RDX: variants seen among roughly 807,000 people sequenced by gnomAD.
The protein encoded by RDX is deafness, autosomal recessive 24.
In RDX, 32 loss-of-function variants were observed where a neutral mutation model predicts 83.7. That is an observed-to-expected ratio of 0.38 (90% CI 0.29 to 0.51). RDX has a LOEUF of 0.51. RDX is among the 20% of genes least tolerant of loss of function. The pLI is 0.87. For synonymous variants in RDX, 229 were observed against 222.7 expected (o/e 1.03, Z -0.25); for missense variants, 600 against 689.9 (o/e 0.87, Z 1.46).
At chr11:110,273,899 C>T (rs1297553127) in intron 2 of RDX, among the ~76,000 whole-genome samples, 6 of 152,200 alleles carry the variant, frequency 3.9e-5, no homozygotes, top group Non-Finnish European at 5.9e-5. Context: ...TATATTAATA[C>T]GTATTACTGC....
chr11:110,275,846 G>A (rs560566617), intron 2 of RDX, among the ~76,000 whole-genome samples: 2 of 142,984 alleles, frequency 1.4e-5, no homozygotes, highest in South Asian at 4.4e-4. Flanking sequence ...GTGCAGTGAC[G>A]TGATCTCAGC....
At chr11:110,287,566 G>GCA (rs1263186639) in intron 1 of RDX, among the ~76,000 whole-genome samples, 1 of 152,234 alleles carries the variant, frequency 6.6e-6, no homozygotes, top group East Asian at 1.9e-4. Flanking sequence ...CAATAATAAT[G>GCA]CACTTTTACC....
intron 1 of RDX, among the ~76,000 whole-genome samples, chr11:110,292,233 T>C (rs1861273207): frequency 2.0e-5 from 3 of 150,798 alleles, no homozygotes; most frequent in Non-Finnish European, 4.4e-5. Context: ...GCAGAGGCTG[T>C]AGTGAGCTGA....
Position 110,205,004 on chromosome 11 carries a change from T to C in RDX, c.1749-5326A>G, listed in dbSNP as rs117714747. Among the ~76,000 whole-genome samples, 540 of 152,210 alleles carry C rather than the reference T, an allele frequency of 3.5e-3. 3 individuals carry two copies. Among genetic ancestry groups the C allele is most frequent in the Non-Finnish European group, 5.3e-3 (362 of 68,018 alleles). On this transcript the variant is annotated intron_variant, in intron 14 of 15. Transcript: ENST00000528498. Reference sequence around the variant, plus strand: ...AAGCTCAACCAGATATCAAGACTTGTTAAAAAGCAAAGGCTGTAGTAATTA... The same window carrying C: ...AAGCTCAACCAGATATCAAGACTTGCTAAAAAGCAAAGGCTGTAGTAATTA...
At chr11:110,193,928 C>T (rs553226012) in intron 15 of RDX, among the ~76,000 whole-genome samples, 1 of 152,328 alleles carries the variant, frequency 6.6e-6, no homozygotes, top group Non-Finnish European at 1.5e-5. Context: ...TTGTCCCATA[C>T]ATTTTATAAT....
At chr11:110,220,879 A>G (rs970485468) in intron 14 of RDX, among the ~76,000 whole-genome samples, 1 of 36,400 alleles carries the variant, frequency 2.7e-5, no homozygotes, top group Non-Finnish European at 4.6e-5. Context: ...CAGCCTCTGT[A>G]AAAAAAAAAA....
At chr11:110,289,973 A>AAAAAAAAAAAAAAC (rs1565338372) in intron 1 of RDX, among the ~76,000 whole-genome samples, 2 of 148,204 alleles carry the variant, frequency 1.3e-5, no homozygotes, top group African/African-American at 4.9e-5. Context: ...AAAAAAAAAA[A>AAAAAAAAAAAAAAC]AAAAAAAAAC....
intron 15 of RDX, among the ~76,000 whole-genome samples, chr11:110,195,350 A>G (rs913320628): frequency 1.3e-5 from 2 of 152,118 alleles, no homozygotes; most frequent in African/African-American, 2.4e-5. Context: ...AAACACCTCA[A>G]AGTGCCAGGA....
At chr11:110,260,080 G>A (rs572152707) in intron 5 of RDX, among the ~76,000 whole-genome samples, 2 of 151,630 alleles carry the variant, frequency 1.3e-5, no homozygotes, top group South Asian at 2.1e-4. Context: ...TCCACCTCCC[G>A]GGTTCAAGCG....
At chr11:110,210,636 A>G (rs1344727544) in intron 14 of RDX, among the ~76,000 whole-genome samples, 1 of 151,354 alleles carries the variant, frequency 6.6e-6, no homozygotes, top group East Asian at 2.0e-4. Flanking sequence ...CTAACAGCGG[A>G]TCTCTCGGCA....
intron 14 of RDX, among the ~76,000 whole-genome samples, chr11:110,209,758 C>A (rs1306131739): frequency 6.9e-6 from 1 of 145,296 alleles, no homozygotes; most frequent in Non-Finnish European, 1.5e-5. Context: ...GGTACTCCAA[C>A]AGACCTGCAG....
chr11:110,215,882 T>C (rs948120643), intron 14 of RDX, among the ~76,000 whole-genome samples: 1 of 152,222 alleles, frequency 6.6e-6, no homozygotes, highest in African/African-American at 2.4e-5. Flanking sequence ...GCAGCCTTTA[T>C]GATGTCTTTG....
chr11:110,199,979 T>C (rs2134236896), intron 14 of RDX, among the ~76,000 whole-genome samples: 1 of 152,344 alleles, frequency 6.6e-6, no homozygotes, highest in Non-Finnish European at 1.5e-5. Context: ...AACTAGTCTC[T>C]TTCAATAATA....
intron 14 of RDX, among the ~76,000 whole-genome samples, chr11:110,210,440 C>T (rs1161658926): frequency 7.1e-6 from 1 of 141,282 alleles, no homozygotes; most frequent in East Asian, 2.1e-4. Flanking sequence ...GGAGAACTTC[C>T]CCAATCTAGC....
chr11:110,257,666 G>T, intron 7 of RDX, 101 bp downstream of exon 7: 1 of 1,176,076 alleles, frequency 8.5e-7, no homozygotes. Flanking sequence ...AAATAGTAAG[G>T]GTAATCAAGA....
chr11:110,214,773 T>G, intron 14 of RDX, among the ~76,000 whole-genome samples: 1 of 94,682 alleles, frequency 1.1e-5, no homozygotes, highest in South Asian at 4.1e-4. Flanking sequence ...TTCTCACTCA[T>G]AGGTGGGAAT....
rs1861397901 is a variant in RDX at position 110,295,242 on chromosome 11, G to A, written c.-65+1225C>T. 2.0e-5 allele frequency among the ~76,000 whole-genome samples: 3 copies of A among 147,168 alleles called. 1 individual carries two copies. The South Asian group carries it at 6.3e-4, about 31-fold the overall frequency. On this transcript the variant is annotated intron_variant, in intron 1 of 13. Transcript: ENST00000645495. ...AATGGATCAAGCCATTATTTATCCA[G>A]CAACATGAACGGGGTAATTGTTCCT...
At chr11:110,202,684 A>G (rs1432680995) in intron 14 of RDX, among the ~76,000 whole-genome samples, 1 of 150,846 alleles carries the variant, frequency 6.6e-6, no homozygotes, top group Admixed American at 6.6e-5. Context: ...GGCTCAAGCA[A>G]TCCTCCTGGG....
chr11:110,216,465 T>C lies in RDX; in HGVS notation c.1748+15408A>G, dbSNP rs1279283276. Among the ~76,000 whole-genome samples the C allele has an allele frequency of 2.6e-5, 4 of 151,622 alleles. No homozygotes were observed. In the East Asian group the frequency reaches 7.7e-4, roughly 29 times the overall value. On this transcript the variant is annotated intron_variant, in intron 14 of 15. Coordinates refer to the RDX transcript ENST00000528498. ...ACAGCTTACTGCAGCCTCAACCTCCTGGGCTCAAGTGATCCTCCCACCTCA... is the reference window on the plus strand; with the variant it reads ...ACAGCTTACTGCAGCCTCAACCTCCCGGGCTCAAGTGATCCTCCCACCTCA...
Sources: gnomAD v4.1 joint callset for allele counts (sites outside exome capture counted in the v4.1 genomes callset) on GRCh38, gnomAD v4.1.1 for gene constraint, MANE v1.5 for transcripts, NCBI Gene and HGNC (gene_info 2026-07-23, HGNC 2026-07-21) for gene names.